LGI2: variants seen among roughly 807,000 people sequenced by gnomAD.
The protein encoded by LGI2 is leucine rich repeat LGI family member 2, also known as leucine-rich repeat LGI family member 2.
Under a neutral mutation model 52.0 loss-of-function variants are expected in LGI2, and 30 were observed. That is an observed-to-expected ratio of 0.58 (90% confidence interval 0.43 to 0.78). The LOEUF is 0.78. Among genes scored for constraint, LGI2 ranks in the 30% least tolerant of loss-of-function variants. The pLI is 0.00. For synonymous variants in LGI2, 270 were observed against 271.8 expected (o/e 0.99, Z 0.06); for missense variants, 573 against 692.5 (o/e 0.83, Z 1.94).
Position 24,998,939 on chromosome 4 carries a change from A to T in LGI2, c.*4512T>A, listed in dbSNP as rs1016529375. 6.6e-6 allele frequency: 1 copy of T among 152,262 alleles called. No homozygotes were observed. Among genetic ancestry groups the T allele is most frequent in the Non-Finnish European group, 1.5e-5 (1 of 68,044 alleles). The allele number at this position is 152,262 out of a possible 1,614,324, so 9.4% of individuals were successfully genotyped here. The stretch of plus-strand genomic sequence containing the variant: ...ATACCCTATTTACCAAAAAGAGCTA[A>T]ATATGTATACAGCCTAAAATACATC... On this transcript the variant is annotated 3_prime_UTR_variant, in exon 8 of 8. Coordinates refer to ENST00000382114, the MANE Select transcript of LGI2 (RefSeq NM_018176.4).
At chr4:25,013,625 T>C (rs1180350431) in intron 6 of LGI2, among the ~76,000 whole-genome samples, 1 of 152,220 alleles carries the variant, frequency 6.6e-6, no homozygotes, top group Non-Finnish European at 1.5e-5. Flanking sequence ...CCTGAGGTTC[T>C]TTTTTCACCT....
chr4:25,027,015 G>T, intron 2 of LGI2, 76 bp from the exon 3 acceptor site: 1 of 1,158,964 alleles, frequency 8.6e-7, no homozygotes, highest in Non-Finnish European at 1.3e-6. Flanking sequence ...TCTTTCCTTT[G>T]CTACGTTTTG....
intron 4 of LGI2, among the ~76,000 whole-genome samples, chr4:25,019,549 G>T (rs1487016126): frequency 6.6e-6 from 1 of 152,002 alleles, no homozygotes; most frequent in African/African-American, 2.4e-5. Flanking sequence ...TTATTGCCTG[G>T]CTACCTCCAC....
intron 3 of LGI2, among the ~76,000 whole-genome samples, chr4:25,026,092 T>C (rs1179502142): frequency 1.3e-5 from 2 of 151,744 alleles, no homozygotes. Flanking sequence ...AGCAGAGAGC[T>C]TTCTTATATC....
chr4:24,994,295 C>G (rs145182857), downstream of LGI2, among the ~76,000 whole-genome samples: 147 of 152,342 alleles, frequency 9.6e-4, 2 homozygotes, highest in African/African-American at 3.3e-3. Flanking sequence ...CTGTGCATAA[C>G]TTGCAGACAG....
chr4:25,011,840 T>C (rs188931659), intron 7 of LGI2, among the ~76,000 whole-genome samples: 30 of 152,316 alleles, frequency 2.0e-4, no homozygotes, highest in Non-Finnish European at 1.9e-4. Flanking sequence ...TAGGGATCCA[T>C]TTATTCTTAT....
chr4:25,030,806 G>T lies in LGI2; in HGVS notation c.-113C>A. ...TCGCTGCTCTGCCGCCGCCGCTGCT[G>T]GCGAGGACTAGGGAGCCGCGGGTGT... On this transcript the variant is annotated 5_prime_UTR_variant, in exon 1 of 8. Coordinates refer to ENST00000382114, the MANE Select transcript of LGI2 (RefSeq NM_018176.4). 1 of 521,824 alleles carries T rather than the reference G, an allele frequency of 1.9e-6. No individual in the cohort carries two copies. Among genetic ancestry groups the T allele is most frequent in the African/African-American group, 2.1e-5 (1 of 48,072 alleles). The allele number at this position is 521,824 out of a possible 1,614,324, so 32.3% of individuals were successfully genotyped here.
chr4:25,003,586 C>T lies in LGI2; in HGVS notation c.1503G>A (p.Lys501=). The change falls in exon 8 of 8, where the codon AAG becomes AAA. Residue 501 remains lysine (K), a synonymous_variant. Coordinates refer to ENST00000382114, the MANE Select transcript of LGI2 (RefSeq NM_018176.4). ...GCGCCTGCACGTAAATCTCCTTAAA[C>T]TTTTTGAATAGCTGCTTCTCTTTAT... is the stretch of plus-strand genomic sequence containing the variant. ...QWDKEKQLFK[K]FKEIYVQAPR... 5 of 1,614,178 alleles carry T rather than the reference C, an allele frequency of 3.1e-6. No homozygotes were observed. Among genetic ancestry groups the T allele is most frequent in the Non-Finnish European group, 4.2e-6 (5 of 1,180,024 alleles).
In LGI2 at chr4:25,004,716, ACATAC is replaced by A. The variant is rs907308084; in HGVS notation, c.821-453_821-449del. On this transcript the variant is annotated intron_variant, in intron 7 of 7. Coordinates refer to ENST00000382114, the MANE Select transcript of LGI2 (RefSeq NM_018176.4). The surrounding 1 kb of genome is among the most constrained non-coding windows in gnomAD (Gnocchi z 4.6). ...GCCAGCTATGCAGTGGGTTCTTGCC[ACATAC>A]CAAATCTGCCAATGTCTTGATCTTG... Among the ~76,000 whole-genome samples, 31 of 152,142 alleles carry A rather than the reference ACATAC, an allele frequency of 2.0e-4. No homozygotes were observed. The highest frequency in any genetic ancestry group is 6.5e-4 in the African/African-American group (27 of 41,432).
chr4:25,018,223 A>T, intron 5 of LGI2, 65 bp from the exon 6 acceptor site: 2 of 1,209,100 alleles, frequency 1.7e-6, no homozygotes, highest in Non-Finnish European at 2.3e-6. Context: ...ATGTTTTGGT[A>T]GTAACACGAA....
chr4:24,995,711 G>A (rs1418426862), downstream of LGI2, among the ~76,000 whole-genome samples: 1 of 152,176 alleles, frequency 6.6e-6, no homozygotes, highest in Non-Finnish European at 1.5e-5. Context: ...CTCCACGGGA[G>A]GGAAACCAGG....
rs1455059908 is a variant in LGI2 at position 25,004,302 on chromosome 4, C to T, written c.821-34G>A. On this transcript the variant is annotated intron_variant, in intron 7 of 7. Transcript: ENST00000382114. This position sits in a 1 kb window ranked among gnomAD's most constrained non-coding sequence, Gnocchi z 4.6. ...CAAAATAAAGGAGAGGACATTAGTGCAACTACAGCTAAAAACGCATCTCCG... is the reference window on the plus strand; with the variant it reads ...CAAAATAAAGGAGAGGACATTAGTGTAACTACAGCTAAAAACGCATCTCCG... 1.9e-6 allele frequency: 3 copies of T among 1,565,156 alleles called. No homozygotes were observed. In the African/African-American group the frequency reaches 4.1e-5, roughly 21 times the overall value.
At chr4:25,006,737 A>G (rs1725402227) in intron 7 of LGI2, among the ~76,000 whole-genome samples, 1 of 152,244 alleles carries the variant, frequency 6.6e-6, no homozygotes, top group Admixed American at 6.5e-5. Flanking sequence ...GGCATATACT[A>G]TTCTTAGCAT....
Position 25,003,826 on chromosome 4 carries a change from C to T in LGI2, c.1263G>A (p.Leu421=), listed in dbSNP as rs1725319639. The T allele has an allele frequency of 3.7e-6, 6 of 1,614,144 alleles. No individual in the cohort carries two copies. The highest frequency in any genetic ancestry group is 1.7e-5 in the Admixed American group (1 of 60,024). The change falls in exon 8 of 8, where the codon CTG becomes CTA. Residue 421 remains leucine (L), a synonymous_variant. Coordinates refer to ENST00000382114, the MANE Select transcript of LGI2 (RefSeq NM_018176.4). Reference sequence around the variant, plus strand: ...TTTGCATTCGGAAGCTCTTCACAGCCAGTACGTCCTCCATGTTGGGGATGT... The same window carrying T: ...TTTGCATTCGGAAGCTCTTCACAGCTAGTACGTCCTCCATGTTGGGGATGT... The part of the protein sequence containing the change: ...HGDIPNMEDV[L]AVKSFRMQNT...
chr4:25,007,765 G>T (rs1371121715), intron 7 of LGI2, among the ~76,000 whole-genome samples: 1 of 152,164 alleles, frequency 6.6e-6, no homozygotes, highest in Non-Finnish European at 1.5e-5. Flanking sequence ...ATGACCATGG[G>T]TTTCTCTCTC....
chr4:25,029,672 C>T (rs1726261284), intron 1 of LGI2, among the ~76,000 whole-genome samples: 1 of 152,236 alleles, frequency 6.6e-6, no homozygotes, highest in Non-Finnish European at 1.5e-5. Context: ...CACCTCTCGG[C>T]AGGTGGATAC....
chr4:25,028,720 C>T (rs1359748380), intron 1 of LGI2, 142 bp from the exon 2 acceptor site: 2 of 679,810 alleles, frequency 2.9e-6, no homozygotes, highest in Non-Finnish European at 5.2e-6. Context: ...CCAGGATCTT[C>T]CCCGGGGTAG....
intron 4 of LGI2, among the ~76,000 whole-genome samples, chr4:25,021,231 C>T (rs1177624759): frequency 9.9e-5 from 15 of 152,190 alleles, no homozygotes; most frequent in Admixed American, 9.8e-4. Flanking sequence ...TGCCTTTCCA[C>T]TTCATTTTGT....
chr4:24,995,023 GAAATCTCCCT>G (rs1725026214), downstream of LGI2, among the ~76,000 whole-genome samples: 1 of 152,188 alleles, frequency 6.6e-6, no homozygotes, highest in Non-Finnish European at 1.5e-5. Flanking sequence ...ATGCCTTCAA[GAAATCTCCCT>G]GGATTTTTTA....
Sources: gnomAD v4.1 joint callset for allele counts (sites outside exome capture counted in the v4.1 genomes callset) on GRCh38, gnomAD v4.1.1 for gene constraint, Gnocchi (gnomAD v3.1) non-coding constraint, MANE v1.5 for transcripts, NCBI Gene and HGNC (gene_info 2026-07-23, HGNC 2026-07-21) for gene names.